The following BTBD7 variants were observed in gnomAD, a reference collection of about 807,000 sequenced individuals.
BTBD7 encodes the protein BTB domain containing 7.
In BTBD7, 38 loss-of-function variants were observed where a neutral mutation model predicts 99.9. The ratio of observed to expected loss-of-function variants is 0.38; its 90% CI spans 0.29 to 0.50. The LOEUF (loss-of-function observed/expected upper bound fraction) is 0.50. Among genes scored for constraint, BTBD7 ranks in the 20% least tolerant of loss-of-function variants. BTBD7 has a pLI of 0.93. For synonymous variants in BTBD7, 520 were observed against 511.4 expected (o/e 1.02, Z -0.23); for missense variants, 1,170 against 1,394.6 (o/e 0.84, Z 2.57).
rs2052921281 is a variant in BTBD7, at chr14:93,295,975, A to G, written c.77T>C (p.Phe26Ser). The G allele has an allele frequency of 6.2e-7, 1 of 1,613,924 alleles. No homozygotes were observed. Among genetic ancestry groups the G allele is most frequent in the African/African-American group, 1.3e-5 (1 of 75,032 alleles). Residue 26 changes from phenylalanine to serine, a missense_variant, in exon 2 of 11, where the codon TTT becomes TCT. Around this residue, in one of 4 missense-constraint regions of BTBD7, gnomAD observed 359 missense variants for 497.9 expected, o/e 0.72. Transcript: ENST00000334746. ...TTAGAAAAACTGAAAGTTACCTATAAAAGTCTGTTGGGCCTGTGAATTTCC... is the reference window on the plus strand; with the variant it reads ...TTAGAAAAACTGAAAGTTACCTATAGAAGTCTGTTGGGCCTGTGAATTTCC... ...VGGNSQAQQT[F>S]IGTSSYSQQG...
At chr14:93,249,801 C>T (rs929105062) in intron 8 of BTBD7, among the ~76,000 whole-genome samples, 25 of 152,034 alleles carry the variant, frequency 1.6e-4, no homozygotes, top group Admixed American at 3.9e-4. Flanking sequence ...AGATGAGAGG[C>T]GGGAACACGG....
chr14:93,249,414 G>A (rs1007211162), intron 8 of BTBD7, among the ~76,000 whole-genome samples: 4 of 152,106 alleles, frequency 2.6e-5, no homozygotes, highest in Non-Finnish European at 5.9e-5. Flanking sequence ...GAAGAGAGGA[G>A]GCAGAAAGAT....
At chr14:93,262,460 G>A (rs945792723) in intron 4 of BTBD7, among the ~76,000 whole-genome samples, 3 of 151,942 alleles carry the variant, frequency 2.0e-5, no homozygotes, top group African/African-American at 7.3e-5. Context: ...GGCTGGTCTC[G>A]TACTTCCGGG....
In BTBD7 at chr14:93,294,510, C is replaced by A. The variant is rs757928366; in HGVS notation, c.510G>T (p.Leu170=). The change falls in exon 3 of 11, where the codon CTG becomes CTT. Residue 170 remains leucine (L), a synonymous_variant. Transcript: ENST00000334746. ...CCCCATACTCTGGTGAGGAAGAAAG[C>A]AGTGTTTTAAAAAATGGACACCTTG... ...LAARCPFFKT[L]LSSSPEYGAE... is the part of the protein sequence containing the mutation. 2 of 1,613,984 alleles carry A rather than the reference C, an allele frequency of 1.2e-6. No individual in the cohort carries two copies. The highest frequency in any genetic ancestry group is 3.3e-5 in the Admixed American group (2 of 60,002).
chr14:93,288,704 T>C, intron 3 of BTBD7: 1 of 1,610,344 alleles, frequency 6.2e-7, no homozygotes, highest in Non-Finnish European at 8.5e-7. Context: ...GACTGTAGTC[T>C]CCTCTGTAAA....
At chr14:93,317,305 G>A (rs1465639774) in intron 1 of BTBD7, among the ~76,000 whole-genome samples, 2 of 151,686 alleles carry the variant, frequency 1.3e-5, no homozygotes, top group African/African-American at 2.4e-5. Flanking sequence ...GCGCCCGGCC[G>A]GAATATACTT....
intron 6 of BTBD7, chr14:93,255,638 G>A (rs919114419): frequency 6.6e-6 from 1 of 151,346 alleles, no homozygotes; most frequent in African/African-American, 2.4e-5. Flanking sequence ...TGGGATTAAC[G>A]GCATGCACCA....
At chr14:93,286,631 A>G (rs926102413) in intron 3 of BTBD7, among the ~76,000 whole-genome samples, 1 of 152,188 alleles carries the variant, frequency 6.6e-6, no homozygotes, top group Admixed American at 6.5e-5. Flanking sequence ...AATTGGGTCC[A>G]GTATTTCTCC....
At chr14:93,265,478 T>C (rs1024340703) in intron 3 of BTBD7, among the ~76,000 whole-genome samples, 17 of 152,204 alleles carry the variant, frequency 1.1e-4, no homozygotes, top group Non-Finnish European at 1.6e-4. Flanking sequence ...CTGTGCTAAG[T>C]AAAAATGTGT....
At chr14:93,296,214 G>T (rs2052924953) in intron 1 of BTBD7, 57 bp from the exon 2 acceptor site, 2 of 1,215,722 alleles carry the variant, frequency 1.6e-6, no homozygotes, top group South Asian at 3.4e-5. Context: ...TCAGATCACA[G>T]TTTTTTTTAA....
At position 93,296,083 on chromosome 14, in the gene BTBD7, G is replaced by A. The variant is rs1311150990; in HGVS notation, c.-32C>T. 5.6e-6 allele frequency: 9 copies of A among 1,609,568 alleles called. No individual in the cohort carries two copies. The African/African-American group carries it at 8.0e-5, about 14-fold the overall frequency. On this transcript the variant is annotated 5_prime_UTR_variant, in exon 2 of 11. Coordinates refer to ENST00000334746, the MANE Select transcript of BTBD7 (RefSeq NM_001002860.4). ...CAGTCACTCAGGCATTCCGTCTGCGGGTTCTTCAGAGTATAATCCCAGAGG... is the reference window on the plus strand; with the variant it reads ...CAGTCACTCAGGCATTCCGTCTGCGAGTTCTTCAGAGTATAATCCCAGAGG...
chr14:93,324,421 C>CAAAAAAAAAAT (rs71301935), intron 1 of BTBD7, among the ~76,000 whole-genome samples: 1 of 89,928 alleles, frequency 1.1e-5, no homozygotes, highest in Non-Finnish European at 2.1e-5. Flanking sequence ...GACCCTGTCT[C>CAAAAAAAAAAT]AAAAAAAAAA....
intron 1 of BTBD7, among the ~76,000 whole-genome samples, chr14:93,322,856 A>G (rs894956630): frequency 6.6e-6 from 1 of 152,220 alleles, no homozygotes; most frequent in Non-Finnish European, 1.5e-5. Context: ...GCTCATGCCT[A>G]TAATTCCAGT....
intron 8 of BTBD7, among the ~76,000 whole-genome samples, chr14:93,250,823 G>C (rs2052360944): frequency 6.6e-6 from 1 of 152,228 alleles, no homozygotes; most frequent in African/African-American, 2.4e-5. Context: ...TCACAGAGCA[G>C]AGCTTGGGAA....
chr14:93,301,194 ATT>A (rs890054637), intron 1 of BTBD7, among the ~76,000 whole-genome samples: 2 of 144,314 alleles, frequency 1.4e-5, no homozygotes, highest in Admixed American at 7.0e-5. Context: ...GTCTTTCCAA[ATT>A]TTTTTTTTTT....
chr14:93,313,679 TACACAC>T (rs57711099), intron 1 of BTBD7, among the ~76,000 whole-genome samples: 4,914 of 145,478 alleles, frequency 0.034, 108 homozygotes, highest in East Asian at 0.053. Flanking sequence ...AAAATGAAAC[TACACAC>T]ACACACACAC....
intron 9 of BTBD7, 71 bp downstream of exon 9, chr14:93,248,405 A>C: frequency 6.6e-7 from 1 of 1,504,096 alleles, no homozygotes; most frequent in African/African-American, 1.4e-5. Context: ...AGGACTCGTC[A>C]GGATGCCCAC....
At chr14:93,261,035 C>T (rs542622555) in intron 5 of BTBD7, among the ~76,000 whole-genome samples, 1 of 152,092 alleles carries the variant, frequency 6.6e-6, no homozygotes, top group South Asian at 2.1e-4. Flanking sequence ...GGAGTACAGG[C>T]GCGTGCCACG....
chr14:93,261,849 A>G (rs1224276761), intron 4 of BTBD7, among the ~76,000 whole-genome samples, 172 bp from the exon 5 acceptor site: 1 of 152,238 alleles, frequency 6.6e-6, no homozygotes. Context: ...CAGGAAATAT[A>G]CAAGACTGCA....
Sources: gnomAD v4.1 joint callset for allele counts (sites outside exome capture counted in the v4.1 genomes callset) on GRCh38, gnomAD v4.1.1 for gene constraint, gnomAD v4.1.1 regional missense constraint, MANE v1.5 for transcripts, NCBI Gene and HGNC (gene_info 2026-07-23, HGNC 2026-07-21) for gene names.